The following OSTN variants were observed in gnomAD, a reference collection of about 807,000 sequenced individuals.
OSTN encodes the protein osteocrin.
A neutral mutation model predicts 12.0 loss-of-function variants in OSTN; 9 were observed. That is an observed-to-expected ratio of 0.75 (90% confidence interval 0.45 to 1.30). The LOEUF (loss-of-function observed/expected upper bound fraction) is 1.30, where lower values mean the gene tolerates loss of function less well. Ranked by LOEUF, OSTN falls within the 50% of genes most tolerant of loss-of-function variation. The pLI, the probability that OSTN is intolerant of heterozygous loss-of-function variation, is 0.00. For synonymous variants in OSTN, 59 were observed against 56.9 expected, an observed-to-expected ratio of 1.04 and a Z score of -0.16; for missense variants, 148 against 152.3, an observed-to-expected ratio of 0.97 and a Z score of 0.15.
intron 2 of OSTN, among the ~76,000 whole-genome samples, chr3:191,213,794 CTTAAAAAAACGA>C (rs1309928955): frequency 6.6e-6 from 1 of 150,418 alleles, no homozygotes; most frequent in African/African-American, 2.4e-5. Flanking sequence ...AAGGATGTTT[CTTAAAAAAACGA>C]TTGTGTAGTG....
In OSTN at chr3:191,265,510, A is replaced by C. The variant is rs1486168064; in HGVS notation, c.*2657A>C. The stretch of plus-strand genomic sequence containing the variant: ...ACTTAATGGAATCTTCTAAAAGGAA[A>C]AAGTATAAAAAGCTTTCTGAATGAT... On this transcript the variant is annotated 3_prime_UTR_variant, in exon 5 of 5. Coordinates refer to ENST00000682035, the MANE Select transcript of OSTN (RefSeq NM_198184.2). 4 of 152,236 alleles carry C rather than the reference A, an allele frequency of 2.6e-5. No individual in the cohort carries two copies. The allele number at this position is 152,236 out of a possible 1,614,324, so 9.4% of individuals were successfully genotyped here. A position where few individuals can be genotyped will look rare whatever the true frequency, so the allele number is the denominator to read the frequency against.
chr3:191,227,334 C>T (rs1714938399), intron 3 of OSTN, among the ~76,000 whole-genome samples: 1 of 151,996 alleles, frequency 6.6e-6, no homozygotes, highest in Non-Finnish European at 1.5e-5. Context: ...TTTTGAAAAA[C>T]CAAAATAATT....
chr3:191,204,235 T>C (rs1420001271), intron 1 of OSTN, among the ~76,000 whole-genome samples: 1 of 152,172 alleles, frequency 6.6e-6, no homozygotes, highest in African/African-American at 2.4e-5. Context: ...TTTCTCAATG[T>C]CAGCTTGCTC....
intron 3 of OSTN, among the ~76,000 whole-genome samples, chr3:191,238,278 G>A (rs758280278): frequency 1.3e-5 from 2 of 152,128 alleles, no homozygotes; most frequent in Admixed American, 1.3e-4. Flanking sequence ...AGTCACAGGA[G>A]CACCTGTGAC....
chr3:191,236,962 T>G (rs1162993024), intron 3 of OSTN, among the ~76,000 whole-genome samples: 1 of 152,162 alleles, frequency 6.6e-6, no homozygotes, highest in Non-Finnish European at 1.5e-5. Flanking sequence ...TGAGATTATG[T>G]TGATATAAAT....
chr3:191,246,592 T>A (rs1576937376), intron 3 of OSTN, among the ~76,000 whole-genome samples: 1 of 127,710 alleles, frequency 7.8e-6, no homozygotes, highest in South Asian at 2.5e-4. Flanking sequence ...GTGACAGAGC[T>A]AGACCCTGTA....
intron 1 of OSTN, 66 bp downstream of exon 1, chr3:191,199,373 G>A (rs574249515): frequency 6.6e-6 from 1 of 152,132 alleles, no homozygotes; most frequent in Non-Finnish European, 1.5e-5. Flanking sequence ...TACTTTCACA[G>A]ACTCTTTAAA....
At chr3:191,250,536 G>A (rs1256049630) in intron 4 of OSTN, among the ~76,000 whole-genome samples, 1 of 152,248 alleles carries the variant, frequency 6.6e-6, no homozygotes, top group Non-Finnish European at 1.5e-5. Flanking sequence ...CAATAAGTAC[G>A]TTATTAGAAT....
intron 1 of OSTN, among the ~76,000 whole-genome samples, chr3:191,211,923 T>C (rs1204709182): frequency 6.6e-6 from 1 of 152,148 alleles, no homozygotes; most frequent in East Asian, 1.9e-4. Context: ...ATATTCAATA[T>C]ATCTTCCATT....
intron 3 of OSTN, among the ~76,000 whole-genome samples, chr3:191,220,095 A>G (rs1053327748): frequency 4.6e-5 from 7 of 152,118 alleles, no homozygotes; most frequent in African/African-American, 1.7e-4. Context: ...TCTTGTACTC[A>G]TTTTCACATC....
At chr3:191,241,416 C>T (rs963343931) in intron 3 of OSTN, among the ~76,000 whole-genome samples, 6 of 151,844 alleles carry the variant, frequency 4.0e-5, no homozygotes, top group Non-Finnish European at 8.8e-5. Context: ...GATCTCCTGA[C>T]CTCGTGATCC....
At chr3:191,253,386 G>T (rs1715605242) in intron 4 of OSTN, among the ~76,000 whole-genome samples, 1 of 152,150 alleles carries the variant, frequency 6.6e-6, no homozygotes, top group South Asian at 2.1e-4. Context: ...GCCCGCTGAG[G>T]TTTTGCTAAC....
At chr3:191,260,015 C>A (rs902035763) in intron 4 of OSTN, among the ~76,000 whole-genome samples, 8 of 151,690 alleles carry the variant, frequency 5.3e-5, no homozygotes, top group African/African-American at 1.9e-4. Flanking sequence ...CCATGCCCGG[C>A]TAACTTTTGT....
Position 191,199,596 on chromosome 3 carries a change from A to G in OSTN, c.-1+289A>G, listed in dbSNP as rs540799437. 9.2e-5 allele frequency among the ~76,000 whole-genome samples: 14 copies of G among 152,224 alleles called. No homozygotes were observed. In the South Asian group the frequency reaches 2.5e-3, roughly 27 times the overall value. ...TAATAATTCTATACATATATATGTT[A>G]TTAGCGTTATTTTGCTTTCCTCAAA... On this transcript the variant is annotated intron_variant, in intron 1 of 4. Coordinates refer to ENST00000682035, the MANE Select transcript of OSTN (RefSeq NM_198184.2).
At chr3:191,223,405 TA>T (rs1345940697) in intron 3 of OSTN, among the ~76,000 whole-genome samples, 1 of 152,180 alleles carries the variant, frequency 6.6e-6, no homozygotes, top group Non-Finnish European at 1.5e-5. Flanking sequence ...GCATTAACTT[TA>T]AAAGCAAAGT....
At chr3:191,242,523 G>T (rs975832069) in intron 3 of OSTN, among the ~76,000 whole-genome samples, 2 of 151,982 alleles carry the variant, frequency 1.3e-5, no homozygotes, top group Non-Finnish European at 2.9e-5. Flanking sequence ...AAAGAAACAT[G>T]ATTTTTTACT....
chr3:191,207,543 T>A (rs1005412222), intron 1 of OSTN, among the ~76,000 whole-genome samples: 4 of 152,198 alleles, frequency 2.6e-5, no homozygotes, highest in Non-Finnish European at 5.9e-5. Flanking sequence ...GTTTGCTCTT[T>A]CTTTTGTAGA....
chr3:191,258,246 A>G (rs1420578442), intron 4 of OSTN, among the ~76,000 whole-genome samples: 1 of 152,240 alleles, frequency 6.6e-6, no homozygotes, highest in East Asian at 1.9e-4. Context: ...AATCTCATTT[A>G]GATAGGTAGC....
At chr3:191,219,431 T>G (rs1201108021) in intron 3 of OSTN, among the ~76,000 whole-genome samples, 1 of 152,246 alleles carries the variant, frequency 6.6e-6, no homozygotes, top group African/African-American at 2.4e-5. Context: ...TTCTGTCAAA[T>G]TTCTGTTTCT....
Sources: allele counts gnomAD v4.1 joint callset (sites outside exome capture counted in the v4.1 genomes callset), GRCh38; gene constraint gnomAD v4.1.1; transcripts MANE v1.5; gene names NCBI Gene and HGNC (gene_info 2026-07-23, HGNC 2026-07-21).